NSG2: variants seen among roughly 807,000 people sequenced by gnomAD.
The protein encoded by NSG2 is neuronal vesicle trafficking-associated protein 2.
NSG2 carries 4 observed loss-of-function variants against 16.9 expected under a neutral mutation model. That is an observed-to-expected ratio of 0.24 (90% CI 0.12 to 0.54). The LOEUF is 0.54. Ranked by LOEUF, NSG2 falls within the 20% of genes least tolerant of loss-of-function variation. The pLI is 0.95. For missense variants in NSG2, 179 were observed against 221.1 expected (o/e 0.81, Z 1.21); for synonymous variants, 98 against 88.7 (o/e 1.11, Z -0.59).
chr5:174,066,254 G>T (rs779740317), intron 3 of NSG2: 5 of 456,276 alleles, frequency 1.1e-5, no homozygotes, highest in South Asian at 7.7e-5. Flanking sequence ...ACCCAGCTGC[G>T]TACAAGTACT....
At position 174,097,508 on chromosome 5, in the gene NSG2, T is replaced by C. The variant is rs537461979; in HGVS notation, c.214-6720T>C. Among the ~76,000 whole-genome samples, 12 of 151,304 alleles carry C rather than the reference T, an allele frequency of 7.9e-5. No individual in the cohort carries two copies. In the South Asian group the frequency reaches 2.5e-3, roughly 32 times the overall value. On this transcript the variant is annotated intron_variant, in intron 3 of 4. Transcript: ENST00000303177. ...GTCTGTGTGTGTGTGTCTTTCTCAG[T>C]GTGTGTGTCTCTGTATGTGTGTAAC...
intron 3 of NSG2, among the ~76,000 whole-genome samples, chr5:174,090,184 C>T (rs1386643058): frequency 1.1e-4 from 16 of 152,146 alleles, no homozygotes; most frequent in Non-Finnish European, 1.5e-5. Context: ...TGGCTGTATG[C>T]ATGGCTGTGA....
chr5:174,048,352 A>T (rs1372607999), intron 2 of NSG2, among the ~76,000 whole-genome samples: 1 of 152,152 alleles, frequency 6.6e-6, no homozygotes, highest in Non-Finnish European at 1.5e-5. Context: ...ATATGAATGA[A>T]ATCTCCCAGG....
At chr5:174,058,879 A>T (rs1170027159) in intron 2 of NSG2, among the ~76,000 whole-genome samples, 1 of 152,168 alleles carries the variant, frequency 6.6e-6, no homozygotes. Flanking sequence ...GCTAAAGAAA[A>T]CAGCAGATGA....
intron 3 of NSG2, among the ~76,000 whole-genome samples, chr5:174,067,974 C>G (rs1040441085): frequency 6.6e-6 from 1 of 151,972 alleles, no homozygotes; most frequent in Non-Finnish European, 1.5e-5. Context: ...GGTGGTCTGG[C>G]CACCCTTGGA....
Position 174,057,491 on chromosome 5 carries a change from T to C in NSG2, c.130-6741T>C, listed in dbSNP as rs573309421. On this transcript the variant is annotated intron_variant, in intron 2 of 4. Coordinates refer to ENST00000303177, the MANE Select transcript of NSG2 (RefSeq NM_015980.5). ...GCTCTACTCCACAGGAACAAAACAC[T>C]AAGCTTTATGAAAGTCCTCTAGCTG... Among the ~76,000 whole-genome samples the C allele has an allele frequency of 6.2e-3, 707 of 114,044 alleles. 6 individuals are homozygous for C. Among genetic ancestry groups the C allele is most frequent in the African/African-American group, 0.03 (670 of 22,278 alleles). The allele number at this position is 114,044 out of a possible 152,430, so 74.8% of individuals were successfully genotyped here. A position where few individuals can be genotyped will look rare whatever the true frequency, so the allele number is the denominator to read the frequency against.
At chr5:174,102,799 G>T (rs1170215482) in intron 3 of NSG2, among the ~76,000 whole-genome samples, 2 of 147,526 alleles carry the variant, frequency 1.4e-5, no homozygotes, top group Non-Finnish European at 1.5e-5. Context: ...TATTTATTTA[G>T]ATGGAGTCTC....
chr5:174,081,159 T>G (rs989863759), intron 3 of NSG2, among the ~76,000 whole-genome samples: 1 of 152,092 alleles, frequency 6.6e-6, no homozygotes, highest in Non-Finnish European at 1.5e-5. Context: ...TTCTTTATGT[T>G]TATAAGGAAT....
chr5:174,102,687 A>G (rs1230502787), intron 3 of NSG2, among the ~76,000 whole-genome samples: 1 of 152,068 alleles, frequency 6.6e-6, no homozygotes, highest in East Asian at 1.9e-4. Context: ...AGTGGATAGG[A>G]ACTGGGTTAT....
chr5:174,084,373 G>A (rs891016829), intron 3 of NSG2, among the ~76,000 whole-genome samples: 10 of 152,172 alleles, frequency 6.6e-5, no homozygotes, highest in African/African-American at 2.4e-4. Context: ...GGTTTATCAA[G>A]CACCTACTGC....
intron 2 of NSG2, among the ~76,000 whole-genome samples, chr5:174,061,352 C>T (rs1388109918): frequency 6.6e-6 from 1 of 152,162 alleles, no homozygotes; most frequent in African/African-American, 2.4e-5. Flanking sequence ...TCACAAAGCA[C>T]CTGCATGTAT....
At chr5:174,053,768 C>T (rs1759927431) in intron 2 of NSG2, among the ~76,000 whole-genome samples, 1 of 152,172 alleles carries the variant, frequency 6.6e-6, no homozygotes, top group African/African-American at 2.4e-5. Context: ...TACTTTTTTA[C>T]CTACCAAATT....
chr5:174,061,136 C>G (rs537708337), intron 2 of NSG2, among the ~76,000 whole-genome samples: 4 of 151,676 alleles, frequency 2.6e-5, no homozygotes, highest in African/African-American at 9.7e-5. Flanking sequence ...GTATATATTA[C>G]ACACACACAC....
chr5:174,049,647 C>T (rs145087025), intron 2 of NSG2, among the ~76,000 whole-genome samples: 1 of 152,244 alleles, frequency 6.6e-6, no homozygotes, highest in Non-Finnish European at 1.5e-5. Flanking sequence ...GTTCCAGAAC[C>T]TTCTACCTCA....
intron 3 of NSG2, among the ~76,000 whole-genome samples, chr5:174,095,977 C>T (rs1208638795): frequency 1.3e-5 from 2 of 152,246 alleles, no homozygotes; most frequent in Admixed American, 6.5e-5. Context: ...GGCCACACTA[C>T]ATAGAACTAG....
At chr5:174,065,047 G>A (rs1760116733) in intron 3 of NSG2, among the ~76,000 whole-genome samples, 2 of 152,220 alleles carry the variant, frequency 1.3e-5, no homozygotes, top group South Asian at 4.1e-4. Flanking sequence ...GGACAGTGAG[G>A]GCCGGGCACG....
intron 3 of NSG2, among the ~76,000 whole-genome samples, chr5:174,071,491 C>T (rs1438630504): frequency 6.6e-6 from 1 of 152,192 alleles, no homozygotes; most frequent in African/African-American, 2.4e-5. Flanking sequence ...GTAACAACAA[C>T]AGCAACAACA....
chr5:174,069,127 C>T (rs540053773), intron 3 of NSG2, among the ~76,000 whole-genome samples: 4 of 151,258 alleles, frequency 2.6e-5, no homozygotes, highest in East Asian at 2.0e-4. Context: ...GACCCTGGTG[C>T]TGTGGAGGGT....
intron 3 of NSG2, among the ~76,000 whole-genome samples, chr5:174,087,652 G>A (rs1159835922): frequency 6.6e-6 from 1 of 151,886 alleles, no homozygotes; most frequent in East Asian, 1.9e-4. Flanking sequence ...TGGGCATAGT[G>A]GTGCACCCCT....
Sources: gnomAD v4.1 joint callset for allele counts (sites outside exome capture counted in the v4.1 genomes callset) on GRCh38, gnomAD v4.1.1 for gene constraint, MANE v1.5 for transcripts, NCBI Gene and HGNC (gene_info 2026-07-23, HGNC 2026-07-21) for gene names.